The following PTPRD variants were observed in gnomAD, a reference collection of about 807,000 sequenced individuals.
PTPRD encodes receptor-type tyrosine-protein phosphatase delta.
PTPRD carries 34 observed loss-of-function variants against 214.5 expected under a neutral mutation model. That is an observed-to-expected ratio of 0.16 (90% CI 0.12 to 0.21). The LOEUF is 0.21. Ranked by LOEUF, PTPRD falls within the 10% of genes least tolerant of loss-of-function variation. The pLI is 1.00. For missense variants in PTPRD, 2,545 were observed against 2,398.7 expected, an observed-to-expected ratio of 1.06 and a Z score of -1.27; for synonymous variants, 1,128 against 845.7, an observed-to-expected ratio of 1.33 and a Z score of -5.79.
chr9:8,996,311 A>C (rs961907793), intron 11 of PTPRD, among the ~76,000 whole-genome samples: 1 of 152,108 alleles, frequency 6.6e-6, no homozygotes, highest in African/African-American at 2.4e-5. Context: ...TGAACTACTG[A>C]TACACACAAC....
chr9:9,530,285 A>T (rs2075159369), intron 8 of PTPRD, among the ~76,000 whole-genome samples: 1 of 152,182 alleles, frequency 6.6e-6, no homozygotes, highest in Non-Finnish European at 1.5e-5. Context: ...AAATAAACAA[A>T]ATCAGAAATG....
At chr9:10,196,075 T>C (rs2099396856) in intron 3 of PTPRD, among the ~76,000 whole-genome samples, 1 of 152,164 alleles carries the variant, frequency 6.6e-6, no homozygotes, top group Non-Finnish European at 1.5e-5. Context: ...AACTAGATTG[T>C]GGTAGTTCTT....
chr9:10,502,867 G>A (rs1268053297), intron 2 of PTPRD, among the ~76,000 whole-genome samples: 1 of 151,910 alleles, frequency 6.6e-6, no homozygotes, highest in Non-Finnish European at 1.5e-5. Flanking sequence ...AATTTATATG[G>A]TTAATTCCTT....
At chr9:9,312,591 T>C (rs573847738) in intron 9 of PTPRD, among the ~76,000 whole-genome samples, 2 of 152,268 alleles carry the variant, frequency 1.3e-5, no homozygotes, top group Non-Finnish European at 2.9e-5. Context: ...TTGGTGTGTC[T>C]AAATAGTCAC....
At chr9:10,092,113 G>A (rs1192808025) in intron 3 of PTPRD, among the ~76,000 whole-genome samples, 1 of 151,374 alleles carries the variant, frequency 6.6e-6, no homozygotes, top group Non-Finnish European at 1.5e-5. Context: ...ATGCAACGAG[G>A]TAAAAAGTTG....
intron 5 of PTPRD, among the ~76,000 whole-genome samples, chr9:9,832,266 G>C (rs989875804): frequency 6.6e-6 from 1 of 151,912 alleles, no homozygotes; most frequent in Non-Finnish European, 1.5e-5. Context: ...CTACAATGAA[G>C]TACCAGAAGC....
chr9:8,676,901 A>T (rs952323403), intron 12 of PTPRD, among the ~76,000 whole-genome samples: 2 of 148,440 alleles, frequency 1.3e-5, no homozygotes, highest in African/African-American at 4.9e-5. Context: ...TGTTGTTGTT[A>T]AAAAAACGGA....
intron 11 of PTPRD, chr9:8,962,038 TG>T (rs1057113836): frequency 3.3e-5 from 5 of 152,146 alleles, no homozygotes; most frequent in African/African-American, 1.2e-4. Flanking sequence ...TATGTCAACA[TG>T]GGTTCTCATA....
chr9:9,562,063 T>C (rs570471630), intron 8 of PTPRD, among the ~76,000 whole-genome samples: 1 of 152,330 alleles, frequency 6.6e-6, no homozygotes, highest in East Asian at 1.9e-4. Flanking sequence ...CTAAAAGACA[T>C]CTGAAATTCA....
At chr9:9,196,111 C>CAA (rs1018134055) in intron 9 of PTPRD, among the ~76,000 whole-genome samples, 7 of 152,082 alleles carry the variant, frequency 4.6e-5, no homozygotes, top group Non-Finnish European at 8.8e-5. Context: ...ACCTGACCTT[C>CAA]AATGTTCTCA....
At chr9:10,101,963 T>C (rs1025373590) in intron 3 of PTPRD, among the ~76,000 whole-genome samples, 2 of 151,680 alleles carry the variant, frequency 1.3e-5, no homozygotes, top group African/African-American at 4.8e-5. Flanking sequence ...AAAAGCCATA[T>C]GTCAATTGGC....
At chr9:9,882,429 C>T (rs1171992943) in intron 5 of PTPRD, among the ~76,000 whole-genome samples, 2 of 152,032 alleles carry the variant, frequency 1.3e-5, no homozygotes, top group African/African-American at 4.8e-5. Context: ...GTTTCTTCTG[C>T]TGAGAAATAA....
rs141465109 is a variant in PTPRD, at chr9:8,478,270, A to T, written c.3413+5849T>A. 5.9e-4 allele frequency among the ~76,000 whole-genome samples: 90 copies of T among 152,276 alleles called. No homozygotes were observed. The East Asian group carries it at 0.016, about 27-fold the overall frequency. On this transcript the variant is annotated intron_variant, in intron 30 of 45. Coordinates refer to ENST00000381196, the MANE Select transcript of PTPRD (RefSeq NM_002839.4). ...TTAAAGTAATTTAACTCACAAACAC[A>T]TGATTAATTACTCTTCATTAGGCTG...
intron 10 of PTPRD, among the ~76,000 whole-genome samples, chr9:9,105,859 A>G (rs1459951775): frequency 6.6e-6 from 1 of 152,044 alleles, no homozygotes; most frequent in Non-Finnish European, 1.5e-5. Context: ...TTTAACTGTA[A>G]AGAAAAGAAT....
intron 14 of PTPRD, among the ~76,000 whole-genome samples, chr9:8,562,954 G>T (rs2087041945): frequency 6.8e-6 from 1 of 146,348 alleles, no homozygotes; most frequent in Admixed American, 7.0e-5. Context: ...AGTGTTTTTT[G>T]CATATGGGCA....
At chr9:9,632,627 G>T (rs78128987) in intron 7 of PTPRD, among the ~76,000 whole-genome samples, 5 of 151,518 alleles carry the variant, frequency 3.3e-5, no homozygotes, top group African/African-American at 1.2e-4. Flanking sequence ...AAAAAAAAAG[G>T]AGAGATAGTT....
intron 5 of PTPRD, among the ~76,000 whole-genome samples, chr9:9,917,675 G>C (rs2081336528): frequency 6.6e-6 from 1 of 151,920 alleles, no homozygotes; most frequent in Non-Finnish European, 1.5e-5. Flanking sequence ...CTGATGAACA[G>C]AGACACAAAA....
intron 11 of PTPRD, among the ~76,000 whole-genome samples, chr9:8,737,854 T>C (rs1343145732): frequency 6.6e-6 from 1 of 152,146 alleles, no homozygotes; most frequent in African/African-American, 2.4e-5. Flanking sequence ...CTTCACCATA[T>C]TGGTCAGGCT....
intron 11 of PTPRD, among the ~76,000 whole-genome samples, chr9:8,826,915 A>G (rs892633625): frequency 2.6e-5 from 4 of 152,144 alleles, no homozygotes; most frequent in Non-Finnish European, 5.9e-5. Flanking sequence ...GGGATACCCA[A>G]TGAGCACGAT....
Sources: allele counts gnomAD v4.1 joint callset (sites outside exome capture counted in the v4.1 genomes callset), GRCh38; gene constraint gnomAD v4.1.1; transcripts MANE v1.5; gene names NCBI Gene and HGNC (gene_info 2026-07-23, HGNC 2026-07-21).